Variants in AP4S1 observed in about 807,000 individuals in gnomAD.
The protein encoded by AP4S1 is AP-4 complex subunit sigma-1.
In AP4S1, 23 loss-of-function variants were observed where a neutral mutation model predicts 19.8. The ratio of observed to expected loss-of-function variants is 1.16; its 90% CI spans 0.84 to 1.65. The LOEUF is 1.65. AP4S1 is among the 40% of genes most tolerant of loss of function. AP4S1 has a pLI of 0.00. For missense variants in AP4S1, 166 were observed against 172.8 expected (o/e 0.96, Z 0.22); for synonymous variants, 46 against 54.1 (o/e 0.85, Z 0.66).
chr14:31,091,602 A>G (rs1008149374), intron 5 of AP4S1, among the ~76,000 whole-genome samples: 8 of 151,196 alleles, frequency 5.3e-5, no homozygotes, highest in African/African-American at 9.7e-5. Flanking sequence ...CTGGAGGACT[A>G]TTTGCACAGA....
chr14:31,087,757 A>G (rs1034702075), intron 5 of AP4S1, among the ~76,000 whole-genome samples: 4 of 152,200 alleles, frequency 2.6e-5, no homozygotes, highest in African/African-American at 9.7e-5. Flanking sequence ...GTGTTGTCGA[A>G]GCTTTTTTGT....
At chr14:31,033,672 G>A (rs1884549033) in intron 1 of AP4S1, among the ~76,000 whole-genome samples, 1 of 152,196 alleles carries the variant, frequency 6.6e-6, no homozygotes, top group African/African-American at 2.4e-5. Context: ...GCTTCAACCT[G>A]CCAAATAAGA....
rs1478499890 is a variant in AP4S1 at position 31,072,933 on chromosome 14, A to G, written c.254A>G (p.His85Arg). ...ENEMAIYEFI[H>R]NFVEVLDEYF... ...GAGATGGCTATTTATGAATTCATTC[A>G]TAACTTTGTGGAAGTTTTAGATGAG... The change falls in exon 4 of 6, where the codon CAT becomes CGT. Residue 85 changes from histidine (H) to arginine (R), a missense_variant. Physicochemically the swap from His to Arg is conservative, Grantham distance 29. Transcript: ENST00000542754. 1 of 1,613,854 alleles carries G rather than the reference A, an allele frequency of 6.2e-7. No individual in the cohort carries two copies. The highest frequency in any genetic ancestry group is 8.5e-7 in the Non-Finnish European group (1 of 1,179,870).
At chr14:31,073,152 C>G in intron 4 of AP4S1, 179 bp downstream of exon 4, 1 of 632,188 alleles carries the variant, frequency 1.6e-6, no homozygotes, top group Non-Finnish European at 2.8e-6. Flanking sequence ...GTGTTACAAG[C>G]CTATACATGC....
intron 1 of AP4S1, among the ~76,000 whole-genome samples, chr14:31,030,422 G>A (rs1884321555): frequency 6.6e-6 from 1 of 152,092 alleles, no homozygotes; most frequent in African/African-American, 2.4e-5. Context: ...TGCCCAGGCT[G>A]ATCTTAAACT....
chr14:31,080,350 G>A (rs533387128), intron 4 of AP4S1, among the ~76,000 whole-genome samples: 4 of 152,212 alleles, frequency 2.6e-5, no homozygotes, highest in South Asian at 2.1e-4. Context: ...AAGATGAATC[G>A]TGCTGGCCTG....
chr14:31,079,312 A>G (rs1887515837), intron 4 of AP4S1, among the ~76,000 whole-genome samples: 1 of 152,210 alleles, frequency 6.6e-6, no homozygotes, highest in Admixed American at 6.5e-5. Context: ...ACATGTAGTT[A>G]TGCATTTGTC....
intron 1 of AP4S1, among the ~76,000 whole-genome samples, chr14:31,049,434 T>TATATATATATAC (rs1566520610): frequency 1.1e-4 from 5 of 44,382 alleles, no homozygotes; most frequent in Non-Finnish European, 1.9e-4. Context: ...AAAAAATATA[T>TATATATATATAC]ATATATATAT....
intron 5 of AP4S1, chr14:31,083,522 T>TTTTTTG (rs1887769591): frequency 2.3e-6 from 1 of 437,168 alleles, no homozygotes; most frequent in African/African-American, 2.2e-5. Context: ...TTTTTTTTTT[T>TTTTTTG]GAGACAAGGT....
At chr14:31,073,158 C>T (rs542359430) in intron 4 of AP4S1, 185 bp downstream of exon 4, 1 of 607,546 alleles carries the variant, frequency 1.6e-6, no homozygotes, top group South Asian at 1.8e-5. Flanking sequence ...CAAGCCTATA[C>T]ATGCCTGAGA....
chr14:31,073,945 A>C (rs141890827), intron 4 of AP4S1, among the ~76,000 whole-genome samples: 3 of 152,152 alleles, frequency 2.0e-5, no homozygotes, highest in African/African-American at 4.8e-5. Context: ...CTCCTTAGGG[A>C]ATATGTGAGC....
At chr14:31,035,526 A>G (rs1884692609) in intron 1 of AP4S1, among the ~76,000 whole-genome samples, 1 of 151,236 alleles carries the variant, frequency 6.6e-6, no homozygotes, top group African/African-American at 2.4e-5. Context: ...CTCAGTCCAT[A>G]TTTGATTTCC....
At chr14:31,058,438 A>G (rs1264199139) in intron 1 of AP4S1, among the ~76,000 whole-genome samples, 1 of 151,908 alleles carries the variant, frequency 6.6e-6, no homozygotes, top group Non-Finnish European at 1.5e-5. Context: ...TCCTTGATGT[A>G]TATACACACA....
intron 1 of AP4S1, among the ~76,000 whole-genome samples, chr14:31,035,883 A>G (rs61976820): frequency 0.037 from 5,606 of 151,948 alleles, 143 homozygotes; most frequent in South Asian, 0.085. Context: ...GGTGCCCGCC[A>G]CAAGGCCCGG....
intron 1 of AP4S1, chr14:31,026,084 C>A (rs1440341218): frequency 3.3e-6 from 5 of 1,526,740 alleles, no homozygotes; most frequent in African/African-American, 1.4e-5. Context: ...CCGCTCCGTT[C>A]CCCCCGGGCG....
chr14:31,069,768 C>A, intron 2 of AP4S1, 75 bp from the exon 3 acceptor site: 1 of 1,108,298 alleles, frequency 9.0e-7, no homozygotes, highest in Non-Finnish European at 1.4e-6. Flanking sequence ...AAATCAGAAC[C>A]TAGAACTTAC....
intron 1 of AP4S1, among the ~76,000 whole-genome samples, chr14:31,054,922 G>A (rs1000365276): frequency 1.5e-5 from 2 of 136,448 alleles, no homozygotes; most frequent in Non-Finnish European, 3.1e-5. Context: ...CTGATAGTAT[G>A]TGCCTTTGAC....
chr14:31,078,061 T>C (rs1477590479), intron 4 of AP4S1, among the ~76,000 whole-genome samples: 1 of 151,914 alleles, frequency 6.6e-6, no homozygotes, highest in Non-Finnish European at 1.5e-5. Flanking sequence ...GATTCAAGAG[T>C]TGGTGTTGGG....
rs1227702779 is a variant in AP4S1 at position 31,066,250 on chromosome 14, G to A, written c.54G>A (p.Lys18=). 1 of 1,613,770 alleles carries A rather than the reference G, an allele frequency of 6.2e-7. No individual in the cohort carries two copies. Among genetic ancestry groups the A allele is most frequent in the African/African-American group, 1.3e-5 (1 of 74,902 alleles). The change falls in exon 2 of 6, where the codon AAG becomes AAA. Residue 18 remains lysine, a synonymous_variant. Transcript: ENST00000542754. ...VNKQGQTRLS[K]YYEHVDINKR... is the part of the protein sequence containing the mutation. Reference sequence around the variant, plus strand: ...AACAAGGGCAGACTCGACTTTCTAAGTACTATGAACATGTGGATATTAATA... The same window carrying A: ...AACAAGGGCAGACTCGACTTTCTAAATACTATGAACATGTGGATATTAATA...
Sources: allele counts gnomAD v4.1 joint callset (sites outside exome capture counted in the v4.1 genomes callset), GRCh38; gene constraint gnomAD v4.1.1; transcripts MANE v1.5; gene names NCBI Gene and HGNC (gene_info 2026-07-23, HGNC 2026-07-21).